Variants in PRKCE observed in about 807,000 individuals in gnomAD.
The protein encoded by PRKCE is protein kinase C epsilon type.
In PRKCE, 16 loss-of-function variants were observed where a neutral mutation model predicts 85.4. The ratio of observed to expected loss-of-function variants is 0.19; its 90% CI spans 0.13 to 0.28. The LOEUF (loss-of-function observed/expected upper bound fraction) is 0.28, where lower values mean the gene tolerates loss of function less well. Ranked by LOEUF, PRKCE falls within the 10% of genes least tolerant of loss-of-function variation. The pLI is 1.00. For missense variants in PRKCE, 573 were observed against 975.2 expected (o/e 0.59, Z 5.49); for synonymous variants, 388 against 371.5 (o/e 1.04, Z -0.51).
chr2:45,794,512 C>T lies in PRKCE; in HGVS notation c.349-48488C>T, dbSNP rs551897729. On this transcript the variant is annotated intron_variant, in intron 1 of 14. Coordinates refer to ENST00000306156, the MANE Select transcript of PRKCE (RefSeq NM_005400.3). The stretch of plus-strand genomic sequence containing the variant: ...AATTCGTTCTCATTCCTGCGGTATT[C>T]TAGCACGGACCCTGATGCACGGCTT... Among the ~76,000 whole-genome samples, 26 of 152,276 alleles carry T rather than the reference C, an allele frequency of 1.7e-4. No homozygotes were observed. The South Asian group carries it at 5.0e-3, about 29-fold the overall frequency.
At chr2:46,086,181 A>G (rs780001728) in intron 10 of PRKCE, 27 bp from the exon 11 acceptor site, 19 of 1,597,884 alleles carry the variant, frequency 1.2e-5, no homozygotes, top group Non-Finnish European at 1.5e-5. Flanking sequence ...CAAATGACCC[A>G]AATGGCATTT....
chr2:45,929,547 G>A (rs1698879890), intron 2 of PRKCE, among the ~76,000 whole-genome samples: 1 of 152,072 alleles, frequency 6.6e-6, no homozygotes, highest in Non-Finnish European at 1.5e-5. Flanking sequence ...GTCTAGGTGG[G>A]TGGCTGGGTG....
intron 10 of PRKCE, among the ~76,000 whole-genome samples, chr2:46,020,411 G>A (rs1311319620): frequency 2.0e-5 from 3 of 151,980 alleles, no homozygotes; most frequent in Non-Finnish European, 4.4e-5. Flanking sequence ...AGTGAGTCTT[G>A]ATTTTTTTTT....
chr2:46,184,247 C>T lies in PRKCE; in HGVS notation c.2068-488C>T, dbSNP rs139908629. Among the ~76,000 whole-genome samples the T allele has an allele frequency of 6.6e-6, 1 of 152,178 alleles. No homozygotes were observed. The highest frequency in any genetic ancestry group is 1.9e-4 in the East Asian group (1 of 5,176). Reference sequence around the variant, plus strand: ...GTTCGTGGTGAGAGTAAGTGGAAATCGAGGCAGGCTTGTGGAGAGGATGTC... The same window carrying T: ...GTTCGTGGTGAGAGTAAGTGGAAATTGAGGCAGGCTTGTGGAGAGGATGTC... On this transcript the variant is annotated intron_variant, in intron 14 of 14. Coordinates refer to ENST00000306156, the MANE Select transcript of PRKCE (RefSeq NM_005400.3). This position sits in a 1 kb window ranked among gnomAD's most constrained non-coding sequence, Gnocchi z 5.0.
chr2:46,168,831 A>G (rs1410434034), intron 14 of PRKCE, among the ~76,000 whole-genome samples: 5 of 152,166 alleles, frequency 3.3e-5, no homozygotes, highest in African/African-American at 7.2e-5. Context: ...CTGAGAGCCT[A>G]TGTCAGCCCC....
intron 10 of PRKCE, among the ~76,000 whole-genome samples, chr2:46,014,650 A>G (rs1705970838): frequency 6.6e-6 from 1 of 152,224 alleles, no homozygotes; most frequent in Non-Finnish European, 1.5e-5. Flanking sequence ...CTTTATTGTT[A>G]AGCATCTATG....
At chr2:46,136,020 C>T (rs1294254038) in intron 11 of PRKCE, among the ~76,000 whole-genome samples, 1 of 151,988 alleles carries the variant, frequency 6.6e-6, no homozygotes, top group Non-Finnish European at 1.5e-5. Flanking sequence ...ATCTGATTGA[C>T]CACAGTCATT....
intron 2 of PRKCE, among the ~76,000 whole-genome samples, chr2:45,898,825 G>C (rs1696350683): frequency 6.6e-6 from 1 of 152,196 alleles, no homozygotes; most frequent in African/African-American, 2.4e-5. Context: ...ACTCGCATGA[G>C]GCCATGCCAT....
intron 1 of PRKCE, among the ~76,000 whole-genome samples, chr2:45,699,825 T>C (rs2104210152): frequency 6.6e-6 from 1 of 152,274 alleles, no homozygotes; most frequent in South Asian, 2.1e-4. Context: ...GGTGTGATTC[T>C]CTTGGAATCC....
rs139459873 is a variant in PRKCE at position 45,706,664 on chromosome 2, G to A, written c.348+54216G>A. Among the ~76,000 whole-genome samples, 859 of 152,284 alleles carry A rather than the reference G, an allele frequency of 5.6e-3. 8 individuals carry two copies. The highest frequency in any genetic ancestry group is 0.019 in the African/African-American group (804 of 41,550). ...TTCTCTCCTGTTTATCCTGAGGCAGGATTTTGTATTGGCCGCCTGATAGTT... is the reference window on the plus strand; with the variant it reads ...TTCTCTCCTGTTTATCCTGAGGCAGAATTTTGTATTGGCCGCCTGATAGTT... On this transcript the variant is annotated intron_variant, in intron 1 of 14. Coordinates refer to ENST00000306156, the MANE Select transcript of PRKCE (RefSeq NM_005400.3).
chr2:46,032,462 T>G (rs1262019027), intron 10 of PRKCE, among the ~76,000 whole-genome samples: 1 of 152,212 alleles, frequency 6.6e-6, no homozygotes, highest in Non-Finnish European at 1.5e-5. Context: ...GGACTTGCCC[T>G]TAATTATGGT....
chr2:46,183,440 A>G (rs1321663366), intron 14 of PRKCE, among the ~76,000 whole-genome samples: 1 of 152,208 alleles, frequency 6.6e-6, no homozygotes, highest in Non-Finnish European at 1.5e-5. Context: ...TTTCCACAAG[A>G]TTTATTCCAT....
intron 2 of PRKCE, among the ~76,000 whole-genome samples, chr2:45,850,645 G>A (rs989327513): frequency 7.2e-5 from 11 of 152,116 alleles, no homozygotes; most frequent in African/African-American, 2.7e-4. Flanking sequence ...TTATTACCTA[G>A]CTTTGTTGAA....
chr2:45,998,323 G>T (rs1704382855), intron 6 of PRKCE, among the ~76,000 whole-genome samples: 1 of 152,188 alleles, frequency 6.6e-6, no homozygotes, highest in East Asian at 1.9e-4. Context: ...TCTCCTTGTA[G>T]TACCATCAGT....
At chr2:45,910,049 C>CCG (rs1553446888) in intron 2 of PRKCE, among the ~76,000 whole-genome samples, 2 of 151,890 alleles carry the variant, frequency 1.3e-5, no homozygotes, top group Non-Finnish European at 2.9e-5. Flanking sequence ...CACCGCCCCC[C>CCG]CCCAGCCAAG....
chr2:45,946,242 G>T (rs1700234642), intron 2 of PRKCE, among the ~76,000 whole-genome samples: 1 of 152,226 alleles, frequency 6.6e-6, no homozygotes, highest in Non-Finnish European at 1.5e-5. Flanking sequence ...GTGGTGGTTT[G>T]TGAGTTATGC....
chr2:45,809,065 G>A (rs1406796562), intron 1 of PRKCE, among the ~76,000 whole-genome samples: 1 of 152,144 alleles, frequency 6.6e-6, no homozygotes, highest in African/African-American at 2.4e-5. Context: ...GGGCCGGTGA[G>A]GAAGCTCACT....
Position 46,176,214 on chromosome 2 carries a change from A to G in PRKCE, c.2068-8521A>G, listed in dbSNP as rs576210146. On this transcript the variant is annotated intron_variant, in intron 14 of 14. Transcript: ENST00000306156. ...TTGAAACCCAAGAGAGGCAAATTAC[A>G]TTTAATAAAGCTCACCTGGGGAGCC... is the stretch of plus-strand genomic sequence containing the variant. 3.3e-5 allele frequency among the ~76,000 whole-genome samples: 5 copies of G among 152,330 alleles called. No individual in the cohort carries two copies. In the South Asian group the frequency reaches 1.0e-3, roughly 32 times the overall value.
chr2:46,015,932 G>A (rs183849915), intron 10 of PRKCE, among the ~76,000 whole-genome samples: 1 of 152,284 alleles, frequency 6.6e-6, no homozygotes, highest in Non-Finnish European at 1.5e-5. Flanking sequence ...AACACAATGA[G>A]TTGGTTTGTG....
Sources: allele counts gnomAD v4.1 joint callset (sites outside exome capture counted in the v4.1 genomes callset), GRCh38; gene constraint gnomAD v4.1.1; non-coding constraint Gnocchi (gnomAD v3.1); transcripts MANE v1.5; gene names NCBI Gene and HGNC (gene_info 2026-07-23, HGNC 2026-07-21).